Variants in NR4A3 observed in about 807,000 individuals in gnomAD.
NR4A3 encodes the protein chondrosarcoma, extraskeletal myxoid, fused to EWS.
Under a neutral mutation model 55.6 loss-of-function variants are expected in NR4A3, and 13 were observed. The ratio of observed to expected loss-of-function variants is 0.23; its 90% CI spans 0.15 to 0.37. The LOEUF is 0.37. Among genes scored for constraint, NR4A3 ranks in the 10% least tolerant of loss-of-function variants. The pLI, the probability that NR4A3 is intolerant of heterozygous loss-of-function variation, is 1.00. For synonymous variants in NR4A3, 342 were observed against 357.9 expected (o/e 0.96, Z 0.50); for missense variants, 646 against 822.8 (o/e 0.79, Z 2.63).
At chr9:99,848,790 G>A (rs1827799554) in intron 7 of NR4A3, among the ~76,000 whole-genome samples, 1 of 152,228 alleles carries the variant, frequency 6.6e-6, no homozygotes, top group African/African-American at 2.4e-5. Flanking sequence ...GCAAAGGAAA[G>A]AATATCATCT....
chr9:99,847,720 C>A, intron 7 of NR4A3, 105 bp downstream of exon 7: 2 of 1,066,590 alleles, frequency 1.9e-6, no homozygotes, highest in Non-Finnish European at 2.7e-6. Flanking sequence ...GGGAAAATGA[C>A]TACCATTTTT....
In NR4A3 at chr9:99,822,666, G is replaced by A. The variant is rs1301884072; in HGVS notation, c.-177+259G>A. Among the ~76,000 whole-genome samples, 1 of 152,210 alleles carries A rather than the reference G, an allele frequency of 6.6e-6. No individual in the cohort carries two copies. Among genetic ancestry groups the A allele is most frequent in the Non-Finnish European group, 1.5e-5 (1 of 68,034 alleles). ...GGCGAAAAGCCTCTAACAAAGAGGA[G>A]GACCGGGATTTGTGCTATAGCGGCT... is the stretch of plus-strand genomic sequence containing the variant. On this transcript the variant is annotated intron_variant, in intron 1 of 7. Coordinates refer to ENST00000395097, the MANE Select transcript of NR4A3 (RefSeq NM_006981.4). This position sits in a 1 kb window ranked among gnomAD's most constrained non-coding sequence, Gnocchi z 4.9.
intron 5 of NR4A3, among the ~76,000 whole-genome samples, chr9:99,835,750 C>T (rs1827548121): frequency 6.6e-6 from 1 of 152,136 alleles, no homozygotes; most frequent in Non-Finnish European, 1.5e-5. Context: ...GGGAACTGTC[C>T]CCACACTGAA....
intron 7 of NR4A3, among the ~76,000 whole-genome samples, chr9:99,863,273 T>G (rs1258823602): frequency 6.6e-6 from 1 of 152,198 alleles, no homozygotes; most frequent in Non-Finnish European, 1.5e-5. Context: ...TCATTCCATG[T>G]GGCTGTGTGC....
chr9:99,844,314 T>A (rs2118581721), intron 5 of NR4A3, among the ~76,000 whole-genome samples: 1 of 152,206 alleles, frequency 6.6e-6, no homozygotes, highest in South Asian at 2.1e-4. Context: ...CCAGACCAAT[T>A]AAATGAGAAT....
At chr9:99,840,913 C>G (rs1207102382) in intron 5 of NR4A3, among the ~76,000 whole-genome samples, 1 of 152,138 alleles carries the variant, frequency 6.6e-6, no homozygotes, top group Non-Finnish European at 1.5e-5. Flanking sequence ...AGTTAATTCC[C>G]TTTTCCCCAC....
At chr9:99,830,301 C>T (rs1827413464) in intron 3 of NR4A3, among the ~76,000 whole-genome samples, 1 of 152,186 alleles carries the variant, frequency 6.6e-6, no homozygotes. Context: ...ACACTTCATT[C>T]TAAGCCTGTT....
chr9:99,841,246 AAG>A (rs1827645953), intron 5 of NR4A3, among the ~76,000 whole-genome samples: 1 of 151,512 alleles, frequency 6.6e-6, no homozygotes, highest in Admixed American at 6.6e-5. Context: ...AAAAAAAAAA[AAG>A]GAGGAGGTAG....
chr9:99,850,146 G>A (rs532056880), intron 7 of NR4A3, among the ~76,000 whole-genome samples: 10 of 152,308 alleles, frequency 6.6e-5, no homozygotes, highest in South Asian at 2.1e-4. Context: ...AACCTTCCAC[G>A]CCTAGGTGAG....
intron 7 of NR4A3, 89 bp downstream of exon 7, chr9:99,847,704 A>G: frequency 8.1e-7 from 1 of 1,232,084 alleles, no homozygotes; most frequent in Non-Finnish European, 1.1e-6. Context: ...CACACACCAG[A>G]AAAGTGGGAA....
In NR4A3 at chr9:99,857,502, C is replaced by A. The variant is rs1431289848; in HGVS notation, c.1634-6118C>A. Among the ~76,000 whole-genome samples, 12 of 152,060 alleles carry A rather than the reference C, an allele frequency of 7.9e-5. No homozygotes were observed. In the South Asian group the frequency reaches 2.5e-3, roughly 32 times the overall value. On this transcript the variant is annotated intron_variant, in intron 7 of 7. Transcript: ENST00000395097. Reference sequence around the variant, plus strand: ...CAAAGTCACCCAGTTAATAAGTGGTCGAGGCCAGGGGTGGTGGCTCACACC... The same window carrying A: ...CAAAGTCACCCAGTTAATAAGTGGTAGAGGCCAGGGGTGGTGGCTCACACC...
intron 7 of NR4A3, among the ~76,000 whole-genome samples, chr9:99,848,972 G>A (rs565140962): frequency 5.3e-5 from 8 of 152,306 alleles, no homozygotes; most frequent in East Asian, 1.9e-4. Context: ...TCAGACACAA[G>A]CACAGGCTTG....
intron 7 of NR4A3, among the ~76,000 whole-genome samples, chr9:99,856,377 C>A (rs191386262): frequency 3.8e-4 from 58 of 152,120 alleles, no homozygotes; most frequent in Admixed American, 6.6e-4. Flanking sequence ...TCTAATGCCG[C>A]CACTCATCTG....
At chr9:99,852,949 A>G (rs12343669) in intron 7 of NR4A3, among the ~76,000 whole-genome samples, 9,037 of 152,256 alleles carry the variant, frequency 0.059, 886 homozygotes, top group African/African-American at 0.2. Context: ...AAAACTAAAT[A>G]TCAAACTTAG....
At position 99,842,108 on chromosome 9, in the gene NR4A3, A is replaced by ATTT. The variant is rs10626492; in HGVS notation, c.1255-2524_1255-2522dup. 7.8e-3 allele frequency among the ~76,000 whole-genome samples: 1,063 copies of ATTT among 136,110 alleles called. 13 individuals are homozygous for ATTT. Among genetic ancestry groups the ATTT allele is most frequent in the Middle Eastern group, 0.023 (6 of 256 alleles). 89.3% of individuals were successfully genotyped at this position (136,110 alleles called of 152,430 possible). A position where few individuals can be genotyped will look rare whatever the true frequency, so the allele number is the denominator to read the frequency against. On this transcript the variant is annotated intron_variant, in intron 5 of 7. Transcript: ENST00000395097. ...GAGATTAAAGTAGCTGGACTCTCTGATTTTTTTTTTTTTTTTTTTAGTTAT... is the reference window on the plus strand; with the variant it reads ...GAGATTAAAGTAGCTGGACTCTCTGATTTTTTTTTTTTTTTTTTTTTTAGTTAT...
chr9:99,863,488 C>A (rs2118186234), intron 7 of NR4A3, 132 bp from the exon 8 acceptor site: 3 of 1,075,944 alleles, frequency 2.8e-6, no homozygotes, highest in Non-Finnish European at 4.0e-6. Flanking sequence ...CTATCTCTAA[C>A]AGGGAGGGCA....
intron 5 of NR4A3, 49 bp from the exon 6 acceptor site, chr9:99,844,600 C>T: frequency 6.7e-7 from 1 of 1,489,402 alleles, no homozygotes; most frequent in South Asian, 1.1e-5. Flanking sequence ...GTGATGCCAT[C>T]ATCCCCACTG....
intron 5 of NR4A3, among the ~76,000 whole-genome samples, chr9:99,841,172 AG>A (rs1390359204): frequency 2.0e-5 from 3 of 151,010 alleles, no homozygotes; most frequent in East Asian, 3.9e-4. Flanking sequence ...CAGAGGTTGC[AG>A]TGAGCCAAAA....
chr9:99,844,995 C>T (rs746290469), intron 6 of NR4A3, 147 bp downstream of exon 6: 14 of 702,346 alleles, frequency 2.0e-5, no homozygotes, highest in South Asian at 3.6e-5. Context: ...CAGCGAGTCA[C>T]GGAGGGAGCA....
Sources: gnomAD v4.1 joint callset for allele counts (sites outside exome capture counted in the v4.1 genomes callset) on GRCh38, gnomAD v4.1.1 for gene constraint, Gnocchi (gnomAD v3.1) non-coding constraint, MANE v1.5 for transcripts, NCBI Gene and HGNC (gene_info 2026-07-23, HGNC 2026-07-21) for gene names.